SH2D1A: variants seen among roughly 807,000 people sequenced by gnomAD.
SH2D1A encodes SH2 domain-containing protein 1A.
A neutral mutation model predicts 10.1 loss-of-function variants in SH2D1A; 6 were observed. That is an observed-to-expected ratio of 0.60 (90% confidence interval 0.33 to 1.18). The LOEUF (loss-of-function observed/expected upper bound fraction) is 1.18. SH2D1A is among the 50% of genes most tolerant of loss of function. SH2D1A has a pLI of 0.04. For synonymous variants in SH2D1A, 42 were observed against 36.9 expected, an observed-to-expected ratio of 1.14 and a Z score of -0.51; for missense variants, 51 against 97.6, an observed-to-expected ratio of 0.52 and a Z score of 2.01.
In SH2D1A at chrX:124,359,290, G is replaced by A. The variant is rs184319351; in HGVS notation, c.138-6471G>A. Reference sequence around the variant, plus strand: ...AGACTCATTTACTTTGACTAAATGCGTCTGAATGATAGTAGGGAGATAGAG... The same window carrying A: ...AGACTCATTTACTTTGACTAAATGCATCTGAATGATAGTAGGGAGATAGAG... On this transcript the variant is annotated intron_variant, in intron 1 of 3. Coordinates refer to ENST00000371139, the MANE Select transcript of SH2D1A (RefSeq NM_002351.5). Among the ~76,000 whole-genome samples the A allele has an allele frequency of 4.5e-5, 5 of 111,935 alleles. No individual in the cohort carries two copies. The South Asian group carries it at 1.1e-3, about 25-fold the overall frequency.
chrX:124,349,008 G>C (rs950583670), intron 1 of SH2D1A, among the ~76,000 whole-genome samples: 1 of 112,566 alleles, frequency 8.9e-6, no homozygotes, highest in Non-Finnish European at 1.9e-5. Context: ...GGCAGCTTTA[G>C]ACTTTTGCCT....
At chrX:124,349,134 C>G (rs2060001077) in intron 1 of SH2D1A, among the ~76,000 whole-genome samples, 1 of 112,064 alleles carries the variant, frequency 8.9e-6, no homozygotes, top group African/African-American at 3.2e-5. Context: ...TCTTAGTTCT[C>G]CATGAAAACC....
intron 1 of SH2D1A, among the ~76,000 whole-genome samples, chrX:124,354,788 G>A (rs1182080031): frequency 1.8e-5 from 2 of 112,271 alleles, no homozygotes; most frequent in South Asian, 3.7e-4. Flanking sequence ...ATAAGTATAC[G>A]TAAATAAAAC....
chrX:124,349,171 G>T (rs2060001311), intron 1 of SH2D1A, among the ~76,000 whole-genome samples: 1 of 112,133 alleles, frequency 8.9e-6, no homozygotes, highest in Non-Finnish European at 1.9e-5. Flanking sequence ...GAAAATACTA[G>T]ACAAATTGGG....
At chrX:124,350,421 A>G (rs1811847140) in intron 1 of SH2D1A, among the ~76,000 whole-genome samples, 1 of 31,367 alleles carries the variant, frequency 3.2e-5, no homozygotes, top group Admixed American at 7.4e-4. Context: ...ATATAAATAT[A>G]TATTATATAC....
intron 1 of SH2D1A, among the ~76,000 whole-genome samples, chrX:124,363,890 C>CAAAAAAAAAA (rs1211666787): frequency 7.8e-4 from 26 of 33,240 alleles, no homozygotes; most frequent in Non-Finnish European, 1.1e-3. Flanking sequence ...GACTCTATCT[C>CAAAAAAAAAA]AAAAAAAAAA....
chrX:124,355,993 G>A (rs1464477052), intron 1 of SH2D1A, among the ~76,000 whole-genome samples: 1 of 109,539 alleles, frequency 9.1e-6, no homozygotes, highest in Non-Finnish European at 1.9e-5. Context: ...CATGTGCCAT[G>A]TTGGTGTGCT....
At chrX:124,370,049 T>G in intron 2 of SH2D1A, 127 bp from the exon 3 acceptor site, 1 of 588,765 alleles carries the variant, frequency 1.7e-6, no homozygotes, top group Non-Finnish European at 2.9e-6. Flanking sequence ...TCCTTCTTCC[T>G]TATGTTTTCA....
chrX:124,364,263 T>C, intron 1 of SH2D1A: 1 of 175,522 alleles, frequency 5.7e-6, no homozygotes, highest in African/African-American at 3.1e-5. Flanking sequence ...AGGCCTAGGC[T>C]AATGTGCGTA....
chrX:124,361,162 G>A (rs780953782), intron 1 of SH2D1A, among the ~76,000 whole-genome samples: 1 of 111,570 alleles, frequency 9.0e-6, no homozygotes, highest in South Asian at 3.8e-4. Context: ...GGTAATTAAT[G>A]ATAAATGAGA....
intron 1 of SH2D1A, among the ~76,000 whole-genome samples, chrX:124,357,158 C>T (rs1320098444): frequency 9.0e-6 from 1 of 111,707 alleles, no homozygotes; most frequent in Non-Finnish European, 1.9e-5. Context: ...CTACGAGCCC[C>T]TGGTAGCCAC....
intron 2 of SH2D1A, among the ~76,000 whole-genome samples, chrX:124,366,099 T>TGAA (rs1556620727): frequency 1.4e-4 from 15 of 109,064 alleles, no homozygotes; most frequent in Middle Eastern, 4.7e-3. Flanking sequence ...TGTGAAATCT[T>TGAA]AGCATATCAA....
At chrX:124,363,569 A>G (rs1197626552) in intron 1 of SH2D1A, among the ~76,000 whole-genome samples, 1 of 111,255 alleles carries the variant, frequency 9.0e-6, no homozygotes, top group Non-Finnish European at 1.9e-5. Context: ...ACACTGGTAT[A>G]AACAAACCGA....
intron 2 of SH2D1A, among the ~76,000 whole-genome samples, chrX:124,368,781 G>C (rs1053440896): frequency 8.9e-6 from 1 of 112,638 alleles, no homozygotes; most frequent in African/African-American, 3.2e-5. Context: ...CTTTGAAAAT[G>C]AAAAAGTGCA....
In SH2D1A at chrX:124,346,707, C is replaced by T; in HGVS notation, c.65C>T (p.Ala22Val). The T allele has an allele frequency of 8.3e-7, 1 of 1,211,522 alleles. No individual in the cohort carries two copies. The highest frequency in any genetic ancestry group is 3.0e-5 in the East Asian group (1 of 33,825). Residue 22 changes from alanine to valine, a missense_variant, in exon 1 of 4, where the codon GCC (alanine) becomes GTC (valine). Physicochemically the swap from Ala to Val is moderately conservative, Grantham distance 64 (BLOSUM62 0). Coordinates refer to ENST00000371139, the MANE Select transcript of SH2D1A (RefSeq NM_002351.5). ...GAAACCGGCGAGAAGCTCCTGCTTG[C>T]CACTGGGCTGGATGGCAGCTATTTG... ...SRETGEKLLL[A>V]TGLDGSYLLR...
At chrX:124,356,428 T>G (rs1422839724) in intron 1 of SH2D1A, among the ~76,000 whole-genome samples, 1 of 111,970 alleles carries the variant, frequency 8.9e-6, no homozygotes, top group Non-Finnish European at 1.9e-5. Flanking sequence ...AATTTTGGCA[T>G]AAGATTTTAT....
chrX:124,352,841 T>C (rs1485676244), intron 1 of SH2D1A, among the ~76,000 whole-genome samples: 1 of 110,844 alleles, frequency 9.0e-6, no homozygotes, highest in Non-Finnish European at 1.9e-5. Context: ...TTACCAGAGG[T>C]TGGGAAGGGT....
rs1336661745 is a variant in SH2D1A at position 124,347,381 on chromosome X, C to T, written c.137+602C>T. 3.6e-5 allele frequency among the ~76,000 whole-genome samples: 4 copies of T among 110,972 alleles called. No homozygotes were observed. In the East Asian group the frequency reaches 1.1e-3, roughly 31 times the overall value. Reference sequence around the variant, plus strand: ...GGGGGTGGGGAGGGGCAGGGGATTTCAGAAATAGGACCCTTCTTGATAAAC... The same window carrying T: ...GGGGGTGGGGAGGGGCAGGGGATTTTAGAAATAGGACCCTTCTTGATAAAC... On this transcript the variant is annotated intron_variant, in intron 1 of 3. Transcript: ENST00000371139.
intron 1 of SH2D1A, among the ~76,000 whole-genome samples, chrX:124,359,057 A>G (rs1000917195): frequency 1.8e-5 from 2 of 111,569 alleles, no homozygotes; most frequent in Non-Finnish European, 3.8e-5. Context: ...GGGGTGAAAC[A>G]ATTTTGCTCA....
Sources: gnomAD v4.1 joint callset for allele counts (sites outside exome capture counted in the v4.1 genomes callset) on GRCh38, gnomAD v4.1.1 for gene constraint, MANE v1.5 for transcripts, NCBI Gene and HGNC (gene_info 2026-07-23, HGNC 2026-07-21) for gene names.